ACAD9: variants seen among roughly 807,000 people sequenced by gnomAD.
The protein encoded by ACAD9 is complex I assembly factor ACAD9, mitochondrial.
ACAD9 carries 53 observed loss-of-function variants against 70.2 expected under a neutral mutation model. That is an observed-to-expected ratio of 0.75 (90% CI 0.61 to 0.95). The LOEUF (loss-of-function observed/expected upper bound fraction) is 0.95, where lower values mean the gene tolerates loss of function less well. Among genes scored for constraint, ACAD9 ranks in the 40% least tolerant of loss-of-function variants. The pLI, the probability that ACAD9 is intolerant of heterozygous loss-of-function variation, is 0.00. For missense variants in ACAD9, 777 were observed against 802.8 expected, an observed-to-expected ratio of 0.97 and a Z score of 0.39; for synonymous variants, 313 against 312.1, an observed-to-expected ratio of 1.00 and a Z score of -0.03.
chr3:128,896,587 G>A, intron 5 of ACAD9, 51 bp downstream of exon 5: 1 of 1,583,038 alleles, frequency 6.3e-7, no homozygotes, highest in East Asian at 2.2e-5. Context: ...TGTTGCCCAA[G>A]ATTCACTGGG....
intron 14 of ACAD9, 55 bp from the exon 15 acceptor site, chr3:128,909,289 A>G (rs1476176729): frequency 1.2e-6 from 2 of 1,606,572 alleles, no homozygotes; most frequent in African/African-American, 1.3e-5. Flanking sequence ...GCTGTGAGAC[A>G]GGACAGGGCA....
At chr3:128,890,726 C>T (rs951824221) in intron 2 of ACAD9, among the ~76,000 whole-genome samples, 5 of 152,054 alleles carry the variant, frequency 3.3e-5, no homozygotes, top group African/African-American at 1.2e-4. Flanking sequence ...AGTTTTAATT[C>T]AGGTTTAGAA....
chr3:128,906,188 A>G lies in ACAD9; in HGVS notation c.1217A>G (p.Tyr406Cys). 6.2e-7 allele frequency: 1 copy of G among 1,614,198 alleles called. No individual in the cohort carries two copies. Among genetic ancestry groups the G allele is most frequent in the Non-Finnish European group, 8.5e-7 (1 of 1,180,032 alleles). The change falls in exon 12 of 18, where the codon TAC becomes TGC. Residue 406 changes from tyrosine (Y) to cysteine (C), a missense_variant. By Grantham distance (194) the Tyr-to-Cys change is radical. Transcript: ENST00000308982. ...EALQILGGLGYTRDYPYERIL... is the reference protein window; with the variant it reads ...EALQILGGLGCTRDYPYERIL... Reference sequence around the variant, plus strand: ...CTGCAGATCCTCGGGGGCTTGGGCTACACAAGGGACTATCCGTACGAGCGC... The same window carrying G: ...CTGCAGATCCTCGGGGGCTTGGGCTGCACAAGGGACTATCCGTACGAGCGC...
intron 2 of ACAD9, 87 bp from the exon 3 acceptor site, chr3:128,893,468 A>G: frequency 9.5e-7 from 1 of 1,047,318 alleles, no homozygotes; most frequent in Non-Finnish European, 1.4e-6. Context: ...GGGATTATAT[A>G]TGATTAATAT....
chr3:128,902,209 T>C lies in ACAD9; in HGVS notation c.883-344T>C, dbSNP rs184056799. Among the ~76,000 whole-genome samples, 18 of 152,354 alleles carry C rather than the reference T, an allele frequency of 1.2e-4. No homozygotes were observed. The highest frequency in any genetic ancestry group is 2.4e-4 in the Non-Finnish European group (16 of 68,032). On this transcript the variant is annotated intron_variant, in intron 8 of 17. Transcript: ENST00000308982. This position sits in a 1 kb window ranked among gnomAD's most constrained non-coding sequence, Gnocchi z 4.0. ...AATGTGGAAATAACGTTTTCAGGTATTTTGATTTATGCCTAAAAGTAGAAT... is the reference window on the plus strand; with the variant it reads ...AATGTGGAAATAACGTTTTCAGGTACTTTGATTTATGCCTAAAAGTAGAAT...
Position 128,897,184 on chromosome 3 carries a change from A to G in ACAD9, c.555-448A>G, listed in dbSNP as rs565844259. Among the ~76,000 whole-genome samples the G allele has an allele frequency of 9.9e-5, 15 of 152,208 alleles. No homozygotes were observed. The South Asian group carries it at 2.9e-3, about 29-fold the overall frequency. ...CCAGCCTCCTGCCTGTTTTTTATAA[A>G]TAAGTTTTGTTTGTTTGTTTTTGAG... On this transcript the variant is annotated intron_variant, in intron 5 of 17. Transcript: ENST00000308982.
At position 128,879,629 on chromosome 3, in the gene ACAD9, GT is replaced by G. The variant is rs781540859; in HGVS notation, c.-62del. ...GCGGGCCAGTAACGTCATCAGACGT[GT>G]GTGTGTCCCTGCGGCGCTAAGAAGG... On this transcript the variant is annotated 5_prime_UTR_variant, in exon 1 of 18. Coordinates refer to ENST00000308982, the MANE Select transcript of ACAD9 (RefSeq NM_014049.5). 1 of 1,502,910 alleles carries G rather than the reference GT, an allele frequency of 6.7e-7. No individual in the cohort carries two copies. 93.1% of individuals were successfully genotyped at this position (1,502,910 alleles called of 1,614,324 possible).
intron 2 of ACAD9, among the ~76,000 whole-genome samples, 154 bp downstream of exon 2, chr3:128,884,900 T>A (rs773780280): frequency 1.3e-5 from 2 of 152,228 alleles, no homozygotes; most frequent in Non-Finnish European, 2.9e-5. Flanking sequence ...CCTATTGCCA[T>A]TTAATTAAAA....
Position 128,909,391 on chromosome 3 carries a change from C to T in ACAD9, c.1533C>T (p.Thr511=), listed in dbSNP as rs376637096. 28 of 1,614,050 alleles carry T rather than the reference C, an allele frequency of 1.7e-5. No individual in the cohort carries two copies. Among genetic ancestry groups the T allele is most frequent in the Middle Eastern group, 1.7e-4 (1 of 6,060 alleles). The change falls in exon 15 of 18, where the codon ACC becomes ACT. Residue 511 remains threonine, a synonymous_variant. Coordinates refer to ENST00000308982, the MANE Select transcript of ACAD9 (RefSeq NM_014049.5). ...AGAACACCTACTGCTTCGGCCGGACCGTGGAGACACTGCTGCTCCGCTTTG... is the reference window on the plus strand; with the variant it reads ...AGAACACCTACTGCTTCGGCCGGACTGTGGAGACACTGCTGCTCCGCTTTG... The part of the protein sequence containing the change: ...FEENTYCFGR[T]VETLLLRFGK...
chr3:128,888,514 G>A (rs1225424183), intron 2 of ACAD9, among the ~76,000 whole-genome samples: 1 of 152,188 alleles, frequency 6.6e-6, no homozygotes, highest in Non-Finnish European at 1.5e-5. Flanking sequence ...GGGAGGTGGA[G>A]GTTGTATTGA....
chr3:128,910,232 G>T (rs879482145), intron 16 of ACAD9, 83 bp downstream of exon 16: 51 of 1,592,182 alleles, frequency 3.2e-5, no homozygotes, highest in Non-Finnish European at 4.0e-5. Flanking sequence ...GTTGAGGAGG[G>T]TGTGGTCGGG....
At chr3:128,910,422 G>A (rs929180626) in intron 16 of ACAD9, 10 of 1,314,470 alleles carry the variant, frequency 7.6e-6, no homozygotes, top group Non-Finnish European at 1.0e-5. Context: ...TGCCCGCTGT[G>A]CTGGAGGGAG....
In ACAD9 at chr3:128,896,634, T is replaced by A. The variant is rs1458210224; in HGVS notation, c.554+98T>A. The stretch of plus-strand genomic sequence containing the variant: ...TTGGTTTTGTTGAGTAGCTGACTTT[T>A]CCTTCTTTCCAAAATCTTGCAAAGA... On this transcript the variant is annotated intron_variant, in intron 5 of 17. Coordinates refer to ENST00000308982, the MANE Select transcript of ACAD9 (RefSeq NM_014049.5). The A allele has an allele frequency of 3.4e-6, 4 of 1,176,938 alleles. No homozygotes were observed. In the African/African-American group the frequency reaches 6.1e-5, roughly 18 times the overall value. The allele number at this position is 1,176,938 out of a possible 1,614,324, so 72.9% of individuals were successfully genotyped here. A position where few individuals can be genotyped will look rare whatever the true frequency, so the allele number is the denominator to read the frequency against.
chr3:128,912,060 C>T (rs1394218172), intron 17 of ACAD9, among the ~76,000 whole-genome samples: 2 of 152,232 alleles, frequency 1.3e-5, no homozygotes, highest in Non-Finnish European at 2.9e-5. Context: ...AAAGCCCAGT[C>T]GTGTTGCCAA....
At chr3:128,899,547 T>TAAG in intron 7 of ACAD9, 86 bp downstream of exon 7, 1 of 1,428,246 alleles carries the variant, frequency 7.0e-7, no homozygotes, top group Admixed American at 2.0e-5. Flanking sequence ...TGTGTGTGTG[T>TAAG]GTGTGTGTGT....
At position 128,895,342 on chromosome 3, in the gene ACAD9, A is replaced by C. The variant is rs1680778; in HGVS notation, c.379A>C (p.Arg127=). The C allele has an allele frequency of 0.34, 547,563 of 1,611,358 alleles. 103,618 individuals carry two copies. The highest frequency in any genetic ancestry group is 0.76 in the African/African-American group (57,202 of 74,804). Residue 127 remains arginine (R), a synonymous_variant, in exon 4 of 18, where the codon AGA becomes CGA. Transcript: ENST00000308982. ...GGGCTTCTCCAACACCATGTACTCA[A>C]GACTAGGGGAGATCATCAGCATGGA... is the stretch of plus-strand genomic sequence containing the variant. ...GLGFSNTMYS[R]LGEIISMDGS...
In ACAD9 at chr3:128,908,578, G is replaced by A. The variant is rs202109499; in HGVS notation, c.1358+314G>A. Reference sequence around the variant, plus strand: ...GAGAGGTGTCCCTTTAAAGGTGCCAGGCCTCACAGCCAACATAAGCCAGTG... The same window carrying A: ...GAGAGGTGTCCCTTTAAAGGTGCCAAGCCTCACAGCCAACATAAGCCAGTG... On this transcript the variant is annotated intron_variant, in intron 13 of 17. Coordinates refer to ENST00000308982, the MANE Select transcript of ACAD9 (RefSeq NM_014049.5). 30 of 558,168 alleles carry A rather than the reference G, an allele frequency of 5.4e-5. No individual in the cohort carries two copies. The East Asian group carries it at 9.1e-4, about 17-fold the overall frequency. 34.6% of individuals were successfully genotyped at this position (558,168 alleles called of 1,614,324 possible). A position where few individuals can be genotyped will look rare whatever the true frequency, so the allele number is the denominator to read the frequency against.
At position 128,906,240 on chromosome 3, in the gene ACAD9, C is replaced by T; in HGVS notation, c.1269C>T (p.Leu423=). ...ERILRDTRIL[L]IFEGTNEILR... is the part of the protein sequence containing the mutation. Reference sequence around the variant, plus strand: ...TACTGCGTGACACCCGCATCCTCCTCATCTTCGAGGTGAGTGGCCCCGCCA... The same window carrying T: ...TACTGCGTGACACCCGCATCCTCCTTATCTTCGAGGTGAGTGGCCCCGCCA... Residue 423 remains leucine, a synonymous_variant, in exon 12 of 18, where the codon CTC becomes CTT. Transcript: ENST00000308982. 4 of 1,614,156 alleles carry T rather than the reference C, an allele frequency of 2.5e-6. No homozygotes were observed. Among genetic ancestry groups the T allele is most frequent in the Non-Finnish European group, 3.4e-6 (4 of 1,180,040 alleles).
intron 2 of ACAD9, among the ~76,000 whole-genome samples, chr3:128,893,054 A>G (rs941056231): frequency 6.6e-6 from 1 of 152,020 alleles, no homozygotes; most frequent in Admixed American, 6.6e-5. Flanking sequence ...GCTTTTAACA[A>G]TTTTATTCTG....
Sources: gnomAD v4.1 joint callset for allele counts (sites outside exome capture counted in the v4.1 genomes callset) on GRCh38, gnomAD v4.1.1 for gene constraint, Gnocchi (gnomAD v3.1) non-coding constraint, MANE v1.5 for transcripts, NCBI Gene and HGNC (gene_info 2026-07-23, HGNC 2026-07-21) for gene names.